The following RPS6KC1 variants were observed in gnomAD, a reference collection of about 807,000 sequenced individuals.
RPS6KC1 encodes the protein inactive ribosomal protein S6 kinase delta-1.
A neutral mutation model predicts 103.8 loss-of-function variants in RPS6KC1; 54 were observed. The ratio of observed to expected loss-of-function variants is 0.52; its 90% CI spans 0.42 to 0.65. The LOEUF (loss-of-function observed/expected upper bound fraction) is 0.65, where lower values mean the gene tolerates loss of function less well. Ranked by LOEUF, RPS6KC1 falls within the 30% of genes least tolerant of loss-of-function variation. The probability of loss-of-function intolerance (pLI) is 0.00; values close to 1 mark genes in which losing one functional copy is unlikely to be tolerated. For missense variants in RPS6KC1, 1,151 were observed against 1,253.8 expected, an observed-to-expected ratio of 0.92 and a Z score of 1.24; for synonymous variants, 439 against 438.7, an observed-to-expected ratio of 1.00 and a Z score of -0.01.
intron 6 of RPS6KC1, among the ~76,000 whole-genome samples, chr1:213,138,308 G>A (rs2086617416): frequency 6.6e-6 from 1 of 151,254 alleles, no homozygotes; most frequent in South Asian, 2.1e-4. Flanking sequence ...TAGAAGTTTT[G>A]TGGCAACACT....
the RPS6KC1 span, among the ~76,000 whole-genome samples, chr1:213,755,936 T>C: frequency 6.6e-6 from 1 of 152,326 alleles, no homozygotes; most frequent in East Asian, 1.9e-4. Flanking sequence ...TTATTTACCA[T>C]CCTGAAGCAA....
the RPS6KC1 span, among the ~76,000 whole-genome samples, chr1:213,758,019 T>C: frequency 6.6e-6 from 1 of 152,086 alleles, no homozygotes; most frequent in African/African-American, 2.4e-5. Flanking sequence ...TAAAATATTT[T>C]TAATACTGCT....
the RPS6KC1 span, among the ~76,000 whole-genome samples, chr1:213,478,689 GC>G: frequency 6.6e-6 from 1 of 152,004 alleles, no homozygotes; most frequent in East Asian, 1.9e-4. Flanking sequence ...CAGATCTTTT[GC>G]CCATTAAAAT....
the RPS6KC1 span, among the ~76,000 whole-genome samples, chr1:213,649,492 G>A: frequency 9.2e-5 from 14 of 152,074 alleles, no homozygotes; most frequent in Middle Eastern, 3.4e-3. Context: ...TGCAGTCCCC[G>A]CTTTGATGCT....
the RPS6KC1 span, among the ~76,000 whole-genome samples, chr1:213,344,026 G>A: frequency 2.0e-3 from 307 of 152,146 alleles, no homozygotes; most frequent in African/African-American, 6.8e-3. Flanking sequence ...TTTCAGAGAT[G>A]GAAGGATCCA....
At chr1:213,316,948 G>A in the RPS6KC1 span, among the ~76,000 whole-genome samples, 6,315 of 152,200 alleles carry the variant, frequency 0.041, 160 homozygotes, top group Non-Finnish European at 0.056. Context: ...CCAAGGGGAG[G>A]ATCATGGTGG....
At chr1:213,704,973 G>A in the RPS6KC1 span, among the ~76,000 whole-genome samples, 65 of 152,206 alleles carry the variant, frequency 4.3e-4, no homozygotes, top group Non-Finnish European at 7.3e-5. Flanking sequence ...CTGAACAAAT[G>A]GAGTCTCTCT....
the RPS6KC1 span, among the ~76,000 whole-genome samples, chr1:213,401,108 C>T: frequency 3.9e-5 from 6 of 152,112 alleles, no homozygotes; most frequent in Non-Finnish European, 8.8e-5. Context: ...TGCTTAGAGC[C>T]TTGGAACCAT....
At chr1:213,287,382 A>C in the RPS6KC1 span, among the ~76,000 whole-genome samples, 122 of 152,178 alleles carry the variant, frequency 8.0e-4, 1 homozygote, top group African/African-American at 2.9e-3. Flanking sequence ...ATCTTTGTGC[A>C]ACTTAGGAAA....
At chr1:213,441,438 C>T in the RPS6KC1 span, among the ~76,000 whole-genome samples, 6,733 of 152,228 alleles carry the variant, frequency 0.044, 167 homozygotes, top group African/African-American at 0.06. Context: ...GAGAACATGT[C>T]GTATTTGTCT....
the RPS6KC1 span, among the ~76,000 whole-genome samples, chr1:213,551,918 G>A: frequency 2.6e-5 from 4 of 152,084 alleles, no homozygotes; most frequent in Admixed American, 1.3e-4. Flanking sequence ...CCATAGTTAT[G>A]CTTTGTCCAG....
intron 5 of RPS6KC1, chr1:213,125,641 TG>T: frequency 6.6e-6 from 1 of 151,738 alleles, no homozygotes; most frequent in South Asian, 2.1e-4. Flanking sequence ...TGTGTGTGTG[TG>T]TGTGTGTGTG....
rs761914833 is a variant in RPS6KC1 at position 213,077,727 on chromosome 1, A to G, written c.173A>G (p.Lys58Arg). 1.3e-6 allele frequency: 2 copies of G among 1,506,356 alleles called. No homozygotes were observed. Among genetic ancestry groups the G allele is most frequent in the Admixed American group, 1.8e-5 (1 of 54,704 alleles). The allele number at this position is 1,506,356 out of a possible 1,614,324, so 93.3% of individuals were successfully genotyped here. A position where few individuals can be genotyped will look rare whatever the true frequency, so the allele number is the denominator to read the frequency against. ...IIVWKRYSDF[K>R]KLHKELWQIH... ...GTATGGAAGAGATACAGTGATTTTA[A>G]GAAACTACACAAAGAACTATGGCAA... Residue 58 changes from lysine (K) to arginine (R), a missense_variant, in exon 3 of 15, where the codon AAG (lysine) becomes AGG (arginine). Physicochemically the swap from Lys to Arg is conservative, Grantham distance 26. Transcript: ENST00000366960.
At chr1:213,499,365 T>G in the RPS6KC1 span, among the ~76,000 whole-genome samples, 1 of 152,260 alleles carries the variant, frequency 6.6e-6, no homozygotes, top group Non-Finnish European at 1.5e-5. Flanking sequence ...GCCCCCAACC[T>G]TTTTGGCACC....
chr1:213,435,318 C>T, the RPS6KC1 span, among the ~76,000 whole-genome samples: 6 of 152,082 alleles, frequency 3.9e-5, no homozygotes, highest in African/African-American at 1.2e-4. Flanking sequence ...CTAATTCTAA[C>T]ATTTGTGTCA....
intron 6 of RPS6KC1, among the ~76,000 whole-genome samples, chr1:213,149,300 CCT>C (rs2088313065): frequency 1.3e-5 from 2 of 152,006 alleles, no homozygotes; most frequent in African/African-American, 4.8e-5. Flanking sequence ...TCTAAACTTC[CCT>C]CTCAGTATTG....
chr1:213,579,120 T>C, the RPS6KC1 span, among the ~76,000 whole-genome samples: 1 of 152,094 alleles, frequency 6.6e-6, no homozygotes, highest in African/African-American at 2.4e-5. Flanking sequence ...GATGGTTTTA[T>C]AAATTACACT....
the RPS6KC1 span, among the ~76,000 whole-genome samples, chr1:213,360,629 C>T: frequency 3.9e-4 from 59 of 152,292 alleles, no homozygotes; most frequent in East Asian, 4.6e-3. Flanking sequence ...GGAGGAGAAG[C>T]GCTCTGATTT....
At chr1:213,707,789 T>G in the RPS6KC1 span, among the ~76,000 whole-genome samples, 1 of 152,244 alleles carries the variant, frequency 6.6e-6, no homozygotes, top group African/African-American at 2.4e-5. Flanking sequence ...CACCATTTAT[T>G]AAATAGGGAA....
Sources: allele counts gnomAD v4.1 joint callset (sites outside exome capture counted in the v4.1 genomes callset), GRCh38; gene constraint gnomAD v4.1.1; transcripts MANE v1.5; gene names NCBI Gene and HGNC (gene_info 2026-07-23, HGNC 2026-07-21).